Variants in ZNF670 observed in about 807,000 individuals in gnomAD.
The protein encoded by ZNF670 is zinc finger protein 670.
Under a neutral mutation model 10.9 loss-of-function variants are expected in ZNF670, and 7 were observed. The observed-to-expected ratio is 0.64, with a 90% CI of 0.36 to 1.20. ZNF670 has a LOEUF of 1.20. ZNF670 is among the 50% of genes most tolerant of loss of function. The pLI is 0.02. For missense variants in ZNF670, 446 were observed against 458.6 expected, an observed-to-expected ratio of 0.97 and a Z score of 0.25; for synonymous variants, 136 against 152.7, an observed-to-expected ratio of 0.89 and a Z score of 0.81.
intron 1 of ZNF670, among the ~76,000 whole-genome samples, chr1:247,064,190 C>T (rs1308342645): frequency 1.3e-5 from 2 of 152,192 alleles, no homozygotes; most frequent in Non-Finnish European, 2.9e-5. Flanking sequence ...TCGCAGTACC[C>T]GCAAGCAGGT....
At chr1:247,073,986 A>T (rs563474745) in intron 1 of ZNF670, among the ~76,000 whole-genome samples, 1 of 152,342 alleles carries the variant, frequency 6.6e-6, no homozygotes, top group South Asian at 2.1e-4. Flanking sequence ...GGACACGGGA[A>T]CATAGCAGGG....
chr1:247,072,798 G>GCATA (rs1553323532), intron 1 of ZNF670, among the ~76,000 whole-genome samples: 5 of 19,050 alleles, frequency 2.6e-4, no homozygotes, highest in South Asian at 4.0e-3. Context: ...AAAAAAAAAA[G>GCATA]TGTGTGTATA....
rs143499625 is a variant in ZNF670, at chr1:247,065,028, G to C, written c.3+13566C>G. Among the ~76,000 whole-genome samples, 3 of 152,154 alleles carry C rather than the reference G, an allele frequency of 2.0e-5. No homozygotes were observed. In the East Asian group the frequency reaches 5.8e-4, roughly 29 times the overall value. On this transcript the variant is annotated intron_variant, in intron 1 of 3. Transcript: ENST00000366503. ...TTTACCATGTTGCCCAGCTCGTCTT[G>C]AACTCCTGAGCTCAAGTGATCCACC... is the stretch of plus-strand genomic sequence containing the variant.
At chr1:247,044,249 GA>G (rs900178570) in intron 1 of ZNF670, among the ~76,000 whole-genome samples, 22 of 147,104 alleles carry the variant, frequency 1.5e-4, no homozygotes, top group African/African-American at 4.2e-4. Context: ...GAAATAATTG[GA>G]AAAAAAAAAC....
At chr1:247,064,429 G>A (rs1404847033) in intron 1 of ZNF670, among the ~76,000 whole-genome samples, 1 of 152,206 alleles carries the variant, frequency 6.6e-6, no homozygotes, top group African/African-American at 2.4e-5. Context: ...GTGATCAGAT[G>A]TGGGGCCCAA....
At chr1:247,063,257 A>C (rs1199104250) in intron 1 of ZNF670, among the ~76,000 whole-genome samples, 1 of 152,192 alleles carries the variant, frequency 6.6e-6, no homozygotes, top group Non-Finnish European at 1.5e-5. Context: ...CTAGAGAGGA[A>C]AAGTGGCATT....
At position 247,043,485 on chromosome 1, in the gene ZNF670, T is replaced by C. The variant is rs532937345; in HGVS notation, c.4-3948A>G. 8.3e-5 allele frequency: 54 copies of C among 653,584 alleles called. 1 individual carries two copies. Among genetic ancestry groups the C allele is most frequent in the Non-Finnish European group, 1.1e-5 (4 of 368,594 alleles). 40.5% of individuals were successfully genotyped at this position (653,584 alleles called of 1,614,324 possible). ...GAATATGCCTTGGTTAATCAAGATA[T>C]TCTCAAAAATAACAAAAGCTGGGAT... On this transcript the variant is annotated intron_variant, in intron 1 of 3. Transcript: ENST00000366503.
At chr1:247,052,151 G>T (rs1670612868) in intron 1 of ZNF670, among the ~76,000 whole-genome samples, 1 of 152,016 alleles carries the variant, frequency 6.6e-6, no homozygotes, top group African/African-American at 2.4e-5. Flanking sequence ...ATTTTTGAGG[G>T]TGTTAAAGAA....
In ZNF670 at chr1:247,037,189, A is replaced by G. The variant is rs41310567; in HGVS notation, c.*260T>C. ...CTTCTTTAACAATGAACCACTGATA[A>G]AAATATATTTGAAAGCGGCTGGGAA... On this transcript the variant is annotated 3_prime_UTR_variant, in exon 4 of 4. Coordinates refer to ENST00000366503, the MANE Select transcript of ZNF670 (RefSeq NM_033213.5). 0.088 allele frequency: 33,109 copies of G among 374,482 alleles called. 1,777 individuals carry two copies. Among genetic ancestry groups the G allele is most frequent in the South Asian group, 0.2 (3,233 of 16,506 alleles). 23.2% of individuals were successfully genotyped at this position (374,482 alleles called of 1,614,324 possible).
At position 247,038,383 on chromosome 1, in the gene ZNF670, T is replaced by C; in HGVS notation, c.236A>G (p.Gln79Arg). The stretch of plus-strand genomic sequence containing the variant: ...ATCCTGGCTGAAGGTTTCTCCATAT[T>C]GACTGCCTTCTTTAATTTCAAACAG... ...ERLFEIKEGS[Q>R]YGETFSQDSN... The change falls in exon 4 of 4, where the codon CAA becomes CGA. Residue 79 changes from glutamine (Q) to arginine (R), a missense_variant. Physicochemically the swap from Gln to Arg is conservative, Grantham distance 43 (BLOSUM62 1). Transcript: ENST00000366503. The C allele has an allele frequency of 6.2e-7, 1 of 1,613,470 alleles. No homozygotes were observed.
intron 1 of ZNF670, chr1:247,042,907 C>G: frequency 1.5e-6 from 1 of 668,372 alleles, no homozygotes; most frequent in Non-Finnish European, 2.8e-6. Flanking sequence ...TAAAGAATTA[C>G]TCCCAACACT....
At position 247,068,829 on chromosome 1, in the gene ZNF670, CAA is replaced by C. The variant is rs35582452; in HGVS notation, c.3+9763_3+9764del. Among the ~76,000 whole-genome samples the C allele has an allele frequency of 4.4e-4, 38 of 85,572 alleles. No individual in the cohort carries two copies. The South Asian group carries it at 5.0e-3, about 11-fold the overall frequency. 56.1% of individuals were successfully genotyped at this position (85,572 alleles called of 152,430 possible). A position where few individuals can be genotyped will look rare whatever the true frequency, so the allele number is the denominator to read the frequency against. ...TACACACACTGGGGTACTATTTTGC[CAA>C]AAAAAAAAAAAAAAAAAAGAATGAG... is the stretch of plus-strand genomic sequence containing the variant. On this transcript the variant is annotated intron_variant, in intron 1 of 3. Coordinates refer to ENST00000366503, the MANE Select transcript of ZNF670 (RefSeq NM_033213.5).
chr1:247,047,901 T>G (rs1670492086), intron 1 of ZNF670, among the ~76,000 whole-genome samples: 1 of 151,184 alleles, frequency 6.6e-6, no homozygotes, highest in African/African-American at 2.4e-5. Context: ...ATGAAACCAT[T>G]TTTTTCTCCT....
intron 1 of ZNF670, among the ~76,000 whole-genome samples, chr1:247,068,765 T>C (rs528394674): frequency 2.1e-5 from 3 of 141,492 alleles, no homozygotes; most frequent in South Asian, 4.3e-4. Flanking sequence ...AACCTAAGTG[T>C]CCATCAACAA....
chr1:247,054,348 T>TCC (rs1237848381), intron 1 of ZNF670, among the ~76,000 whole-genome samples: 1 of 152,096 alleles, frequency 6.6e-6, no homozygotes, highest in East Asian at 1.9e-4. Flanking sequence ...GCTTATACCA[T>TCC]CCCTCCTTCA....
At chr1:247,038,579 T>A (rs2103051078) in intron 3 of ZNF670, 152 bp from the exon 4 acceptor site, 10 of 805,606 alleles carry the variant, frequency 1.2e-5, no homozygotes, top group Non-Finnish European at 1.9e-5. Context: ...ATAGCTATTA[T>A]CATTATTATC....
At chr1:247,066,642 C>T (rs1483824339) in intron 1 of ZNF670, among the ~76,000 whole-genome samples, 1 of 152,160 alleles carries the variant, frequency 6.6e-6, no homozygotes, top group Non-Finnish European at 1.5e-5. Flanking sequence ...CAAAGTTAAC[C>T]TGGAAAACTA....
chr1:247,039,081 C>T, intron 2 of ZNF670, among the ~76,000 whole-genome samples: 1 of 90,766 alleles, frequency 1.1e-5, no homozygotes, highest in Non-Finnish European at 2.2e-5. Context: ...TTTTTTGAGA[C>T]AGATTGTTTC....
rs1167992387 is a variant in ZNF670 at position 247,068,127 on chromosome 1, G to C, written c.3+10467C>G. 3.3e-5 allele frequency among the ~76,000 whole-genome samples: 5 copies of C among 150,246 alleles called. 2 individuals are homozygous for C. The highest frequency in any genetic ancestry group is 1.3e-4 in the African/African-American group (5 of 39,742). On this transcript the variant is annotated intron_variant, in intron 1 of 3. Coordinates refer to ENST00000366503, the MANE Select transcript of ZNF670 (RefSeq NM_033213.5). The stretch of plus-strand genomic sequence containing the variant: ...GAGCTCAGGAGTTTGAGACCAGCCT[G>C]GCCAACATGGTGAAACCCCATCTCT...
Sources: gnomAD v4.1 joint callset for allele counts (sites outside exome capture counted in the v4.1 genomes callset) on GRCh38, gnomAD v4.1.1 for gene constraint, MANE v1.5 for transcripts, NCBI Gene and HGNC (gene_info 2026-07-23, HGNC 2026-07-21) for gene names.